The following APOBEC1 variants were observed in gnomAD, a reference collection of about 807,000 sequenced individuals.
The protein encoded by APOBEC1 is C->U-editing enzyme APOBEC-1.
A neutral mutation model predicts 26.3 loss-of-function variants in APOBEC1; 22 were observed. The ratio of observed to expected loss-of-function variants is 0.84; its 90% CI spans 0.60 to 1.19. APOBEC1 has a LOEUF of 1.19. Among genes scored for constraint, APOBEC1 ranks in the 50% most tolerant of loss-of-function variants. APOBEC1 has a pLI of 0.00. For missense variants in APOBEC1, 253 were observed against 289.0 expected (o/e 0.88, Z 0.90); for synonymous variants, 77 against 95.3 (o/e 0.81, Z 1.12).
At chr12:7,651,802 A>ATT (rs200942134) in intron 3 of APOBEC1, among the ~76,000 whole-genome samples, 3,347 of 150,260 alleles carry the variant, frequency 0.022, 47 homozygotes, top group African/African-American at 0.032. Flanking sequence ...TGATTTTTTT[A>ATT]TTTTATTTTT....
intron 1 of APOBEC1, among the ~76,000 whole-genome samples, chr12:7,663,239 G>A (rs1337472527): frequency 6.6e-6 from 1 of 152,150 alleles, no homozygotes; most frequent in Non-Finnish European, 1.5e-5. Context: ...GTTTGTGTGT[G>A]TTACTTTTTA....
chr12:7,652,370 G>A, intron 3 of APOBEC1, 68 bp downstream of exon 3: 2 of 1,421,266 alleles, frequency 1.4e-6, no homozygotes, highest in South Asian at 2.9e-5. Flanking sequence ...CAATCTTCTG[G>A]CCTAAAAACA....
At position 7,657,747 on chromosome 12, in the gene APOBEC1, A is replaced by C. The variant is rs995741500; in HGVS notation, c.17-3115T>G. Among the ~76,000 whole-genome samples, 14 of 152,142 alleles carry C rather than the reference A, an allele frequency of 9.2e-5. No homozygotes were observed. In the East Asian group the frequency reaches 1.2e-3, roughly 13 times the overall value. The stretch of plus-strand genomic sequence containing the variant: ...GAAGTTTAACCAGCTGTAGTGGTGC[A>C]TGCCTGTAGTCCCAGCTACTAGGAA... On this transcript the variant is annotated intron_variant, in intron 1 of 4. Transcript: ENST00000229304.
At chr12:7,666,990 C>A (rs766728238), upstream of APOBEC1, among the ~76,000 whole-genome samples, 54 of 151,718 alleles carry the variant, frequency 3.6e-4, no homozygotes, top group African/African-American at 1.1e-3. Flanking sequence ...CGGCTCACTG[C>A]AACCTCTGCC....
At chr12:7,663,733 C>T (rs973742509) in intron 1 of APOBEC1, among the ~76,000 whole-genome samples, 2 of 152,146 alleles carry the variant, frequency 1.3e-5, no homozygotes, top group African/African-American at 4.8e-5. Flanking sequence ...ATACCAGCCA[C>T]ATGACTGGGG....
intron 1 of APOBEC1, among the ~76,000 whole-genome samples, chr12:7,661,468 G>C (rs11832654): frequency 0.12 from 18,819 of 151,852 alleles, 1,226 homozygotes; most frequent in South Asian, 0.22. Context: ...AGAGAAGCCA[G>C]GATATCTTTG....
intron 1 of APOBEC1, 50 bp downstream of exon 1, chr12:7,665,807 C>CACACACACA: frequency 5.5e-6 from 6 of 1,097,516 alleles, no homozygotes; most frequent in Non-Finnish European, 5.2e-6. Context: ...ACACACACAC[C>CACACACACA]ATTCTTGCAT....
chr12:7,662,640 C>T (rs1863835865), intron 1 of APOBEC1, among the ~76,000 whole-genome samples: 1 of 151,958 alleles, frequency 6.6e-6, no homozygotes. Context: ...GGTGGGGGCA[C>T]CATATCGACC....
At chr12:7,664,395 T>C (rs995186570) in intron 1 of APOBEC1, among the ~76,000 whole-genome samples, 1 of 152,172 alleles carries the variant, frequency 6.6e-6, no homozygotes, top group African/African-American at 2.4e-5. Context: ...CCCTCTACCA[T>C]AAAGAAAAAC....
rs1863814038 is a variant in APOBEC1, at chr12:7,661,168, T to C, written c.16+4689A>G. The stretch of plus-strand genomic sequence containing the variant: ...TTGCAGTGAGCCAAATTTGCGCCAC[T>C]GCACTCCAGCCTGGGTGATAGAGCG... On this transcript the variant is annotated intron_variant, in intron 1 of 4. Coordinates refer to ENST00000229304, the MANE Select transcript of APOBEC1 (RefSeq NM_001644.5). Among the ~76,000 whole-genome samples the C allele has an allele frequency of 7.7e-5, 11 of 142,104 alleles. No homozygotes were observed. In the South Asian group the frequency reaches 2.4e-3, roughly 31 times the overall value. 93.2% of individuals were successfully genotyped at this position (142,104 alleles called of 152,430 possible).
At chr12:7,667,965 T>C (rs909026207), upstream of APOBEC1, among the ~76,000 whole-genome samples, 1 of 149,528 alleles carries the variant, frequency 6.7e-6, no homozygotes, top group Non-Finnish European at 1.5e-5. Context: ...ACGATATCCA[T>C]GTCCTGATCC....
intron 2 of APOBEC1, among the ~76,000 whole-genome samples, chr12:7,654,043 T>C (rs916923110): frequency 1.8e-4 from 27 of 152,208 alleles, no homozygotes; most frequent in Non-Finnish European, 3.7e-4. Flanking sequence ...CAAGAGATAA[T>C]ATATTCCTTA....
chr12:7,662,541 C>T (rs2136855762), intron 1 of APOBEC1, among the ~76,000 whole-genome samples: 1 of 152,180 alleles, frequency 6.6e-6, no homozygotes, highest in Non-Finnish European at 1.5e-5. Context: ...CAAGATCACA[C>T]CATTGCACTC....
At chr12:7,670,598 T>C (rs183091221), upstream of APOBEC1, among the ~76,000 whole-genome samples, 660 of 138,508 alleles carry the variant, frequency 4.8e-3, 94 homozygotes, top group Non-Finnish European at 7.2e-4. Flanking sequence ...CTACTAAAAA[T>C]ACAAAATTAG....
intron 1 of APOBEC1, among the ~76,000 whole-genome samples, chr12:7,657,214 GA>G (rs2136845452): frequency 6.6e-6 from 1 of 152,274 alleles, no homozygotes; most frequent in East Asian, 1.9e-4. Context: ...CCCTTGAATT[GA>G]GCCTCATGTG....
At chr12:7,667,629 G>T (rs1863910111), upstream of APOBEC1, among the ~76,000 whole-genome samples, 1 of 152,036 alleles carries the variant, frequency 6.6e-6, no homozygotes, top group Non-Finnish European at 1.5e-5. Flanking sequence ...ATAAAAGTAG[G>T]TTAGGCCAGG....
chr12:7,658,616 T>G (rs1389511904), intron 1 of APOBEC1, among the ~76,000 whole-genome samples: 2 of 152,148 alleles, frequency 1.3e-5, no homozygotes, highest in Non-Finnish European at 2.9e-5. Flanking sequence ...ACAATAAAAT[T>G]GAGTCTGAGA....
chr12:7,665,021 G>A (rs1407688870), intron 1 of APOBEC1, among the ~76,000 whole-genome samples: 1 of 152,108 alleles, frequency 6.6e-6, no homozygotes, highest in Admixed American at 6.6e-5. Flanking sequence ...CCTGGGCGAA[G>A]TAGTGAACCC....
At chr12:7,659,918 G>A (rs1375568415) in intron 1 of APOBEC1, among the ~76,000 whole-genome samples, 2 of 152,046 alleles carry the variant, frequency 1.3e-5, no homozygotes, top group African/African-American at 2.4e-5. Context: ...GCAGTGAGCC[G>A]AGATCAAGCC....
Sources: gnomAD v4.1 joint callset for allele counts (sites outside exome capture counted in the v4.1 genomes callset) on GRCh38, gnomAD v4.1.1 for gene constraint, MANE v1.5 for transcripts, NCBI Gene and HGNC (gene_info 2026-07-23, HGNC 2026-07-21) for gene names.